NAA16: variants seen among roughly 807,000 people sequenced by gnomAD.
NAA16 encodes the protein N-alpha-acetyltransferase 16, NatA auxiliary subunit.
A neutral mutation model predicts 110.3 loss-of-function variants in NAA16; 97 were observed. The observed-to-expected ratio is 0.88, with a 90% CI of 0.75 to 1.04. NAA16 has a LOEUF of 1.04. Among genes scored for constraint, NAA16 ranks in the 50% least tolerant of loss-of-function variants. NAA16 has a pLI of 0.00. For synonymous variants in NAA16, 372 were observed against 330.6 expected (o/e 1.13, Z -1.36); for missense variants, 1,017 against 1,005.1 (o/e 1.01, Z -0.16).
intron 3 of NAA16, among the ~76,000 whole-genome samples, 171 bp from the exon 4 acceptor site, chr13:41,320,496 C>G (rs915365594): frequency 6.6e-6 from 1 of 152,196 alleles, no homozygotes; most frequent in Non-Finnish European, 1.5e-5. Context: ...TCAACCCAGC[C>G]TGCTCTGGTT....
At chr13:41,347,806 CTT>C (rs1003587268) in intron 9 of NAA16, among the ~76,000 whole-genome samples, 3 of 152,152 alleles carry the variant, frequency 2.0e-5, no homozygotes, top group African/African-American at 7.2e-5. Flanking sequence ...CGTTTTACTT[CTT>C]TCTTTCCAAT....
In NAA16 at chr13:41,375,471, GA is replaced by G. The variant is rs780154731; in HGVS notation, c.2466del (p.Glu822AspfsTer20). The G allele has an allele frequency of 6.2e-7, 1 of 1,613,912 alleles. No individual in the cohort carries two copies. The highest frequency in any genetic ancestry group is 1.1e-5 in the South Asian group (1 of 91,072). Reference sequence around the variant, plus strand: ...TGGGAACTGTAGTTCCCAATATGAAGAATATAGGATGGCCTGTCATAACCTG... The same window carrying G: ...TGGGAACTGTAGTTCCCAATATGAAGATATAGGATGGCCTGTCATAACCTG... ...SFGNCSSQYE[E>X]YRMACHNLLP... is the part of the protein sequence containing the mutation. On this transcript the variant is annotated frameshift_variant, in exon 20 of 20. Coordinates refer to ENST00000379406, the MANE Select transcript of NAA16 (RefSeq NM_024561.5). LOFTEE classifies it low-confidence loss of function (END_TRUNC).
intron 9 of NAA16, among the ~76,000 whole-genome samples, chr13:41,342,562 C>T (rs1354061575): frequency 3.3e-5 from 5 of 152,074 alleles, no homozygotes; most frequent in African/African-American, 7.2e-5. Context: ...CTTCTGTTCC[C>T]GAGTTGGCAT....
intron 8 of NAA16, among the ~76,000 whole-genome samples, chr13:41,333,782 A>T (rs1307143371): frequency 1.3e-5 from 2 of 151,972 alleles, no homozygotes; most frequent in African/African-American, 4.8e-5. Context: ...AAGTTTACTA[A>T]AAGCCCTCAA....
intron 9 of NAA16, among the ~76,000 whole-genome samples, chr13:41,340,078 A>T (rs1004796876): frequency 6.6e-6 from 1 of 152,148 alleles, no homozygotes; most frequent in Non-Finnish European, 1.5e-5. Context: ...ATATATTTAT[A>T]TCCCTTTTAA....
chr13:41,311,620 CCGGGTCCT>C, intron 1 of NAA16, 38 bp downstream of exon 1: 3 of 1,584,600 alleles, frequency 1.9e-6, no homozygotes, highest in South Asian at 1.1e-5. Context: ...CCCCCGGTCC[CCGGGTCCT>C]CGGGCCTTAA....
At chr13:41,325,515 C>T (rs773312400) in intron 5 of NAA16, among the ~76,000 whole-genome samples, 183 bp from the exon 6 acceptor site, 4 of 151,890 alleles carry the variant, frequency 2.6e-5, no homozygotes, top group Non-Finnish European at 5.9e-5. Flanking sequence ...GAAGTCCCAC[C>T]CTATTATTTG....
intron 6 of NAA16, among the ~76,000 whole-genome samples, chr13:41,326,958 T>C (rs2042108524): frequency 6.6e-6 from 1 of 152,192 alleles, no homozygotes; most frequent in Admixed American, 6.5e-5. Context: ...TGGCAACCAC[T>C]GATCTTTTTA....
intron 9 of NAA16, among the ~76,000 whole-genome samples, chr13:41,347,016 A>G (rs1271723278): frequency 6.6e-6 from 1 of 152,060 alleles, no homozygotes; most frequent in African/African-American, 2.4e-5. Context: ...CAAGAGATCA[A>G]GACCATCCTG....
intron 7 of NAA16, among the ~76,000 whole-genome samples, chr13:41,330,325 A>C (rs2042205212): frequency 6.6e-6 from 1 of 152,098 alleles, no homozygotes; most frequent in Admixed American, 6.5e-5. Flanking sequence ...TGGTGTTTAC[A>C]ATCTTGATGC....
At position 41,311,435 on chromosome 13, in the gene NAA16, T is replaced by G. The variant is rs1355897777; in HGVS notation, c.-94T>G. The G allele has an allele frequency of 4.0e-6, 5 of 1,237,354 alleles. No homozygotes were observed. The Admixed American group carries it at 6.3e-5, about 16-fold the overall frequency. 76.6% of individuals were successfully genotyped at this position (1,237,354 alleles called of 1,614,324 possible). On this transcript the variant is annotated 5_prime_UTR_variant, in exon 1 of 20. Coordinates refer to ENST00000379406, the MANE Select transcript of NAA16 (RefSeq NM_024561.5). The stretch of plus-strand genomic sequence containing the variant: ...TAATCCATCGCCCGCAGCCCGACTC[T>G]CAGCAGCGGTTCGTCCCGGTGCCCA...
intron 6 of NAA16, chr13:41,327,707 C>T (rs1013666192): frequency 3.6e-5 from 5 of 138,912 alleles, no homozygotes; most frequent in African/African-American, 1.4e-4. Context: ...AAAAATTGGC[C>T]AGAAGATAAT....
At chr13:41,354,320 T>G (rs188649945) in intron 9 of NAA16, among the ~76,000 whole-genome samples, 7 of 152,310 alleles carry the variant, frequency 4.6e-5, no homozygotes, top group South Asian at 4.1e-4. Context: ...AAAATAAAGC[T>G]AATTAAATTA....
intron 3 of NAA16, 114 bp downstream of exon 3, chr13:41,319,024 T>G (rs2041879553): frequency 2.0e-6 from 1 of 504,432 alleles, no homozygotes; most frequent in African/African-American, 2.0e-5. Flanking sequence ...TTTAATGAAC[T>G]CTGTGTATCC....
chr13:41,323,983 C>G (rs145573651), intron 5 of NAA16, among the ~76,000 whole-genome samples: 2 of 152,192 alleles, frequency 1.3e-5, no homozygotes, highest in Non-Finnish European at 2.9e-5. Flanking sequence ...GTAATTTCCT[C>G]TTTATGGATA....
intron 9 of NAA16, among the ~76,000 whole-genome samples, chr13:41,337,673 CTTG>C (rs751057049): frequency 1.4e-5 from 2 of 147,552 alleles, no homozygotes; most frequent in African/African-American, 2.7e-5. Context: ...AGTCTAAAAT[CTTG>C]TTGTCTTTTC....
At chr13:41,320,521 C>G (rs962354261) in intron 3 of NAA16, 146 bp from the exon 4 acceptor site, 33 of 699,772 alleles carry the variant, frequency 4.7e-5, no homozygotes, top group Non-Finnish European at 7.2e-5. Flanking sequence ...CTTTAACTTC[C>G]CCTCACCATT....
rs908130322 is a variant in NAA16, at chr13:41,374,686, C to G, written c.2300-56C>G. The G allele has an allele frequency of 3.0e-5, 35 of 1,157,090 alleles. No individual in the cohort carries two copies. In the Admixed American group the frequency reaches 4.8e-4, roughly 16 times the overall value. The allele number at this position is 1,157,090 out of a possible 1,614,324, so 71.7% of individuals were successfully genotyped here. ...TTTGAAGTCACTGGCCAGTTGATAT[C>G]ACATAAAATGTAAAGTATAGGTGTT... On this transcript the variant is annotated intron_variant, in intron 18 of 19. Coordinates refer to ENST00000379406, the MANE Select transcript of NAA16 (RefSeq NM_024561.5).
intron 3 of NAA16, among the ~76,000 whole-genome samples, chr13:41,320,290 A>G (rs2041914131): frequency 6.6e-6 from 1 of 152,216 alleles, no homozygotes; most frequent in South Asian, 2.1e-4. Context: ...ATGATGAAGA[A>G]TAGGTGAATG....
Sources: gnomAD v4.1 joint callset for allele counts (sites outside exome capture counted in the v4.1 genomes callset) on GRCh38, gnomAD v4.1.1 for gene constraint, MANE v1.5 for transcripts, NCBI Gene and HGNC (gene_info 2026-07-23, HGNC 2026-07-21) for gene names.